PCDHA2: variants seen among roughly 807,000 people sequenced by gnomAD.
PCDHA2 encodes the protein protocadherin alpha-2.
A neutral mutation model predicts 66.0 loss-of-function variants in PCDHA2; 58 were observed. That is an observed-to-expected ratio of 0.88 (90% CI 0.71 to 1.09). The LOEUF (loss-of-function observed/expected upper bound fraction) is 1.09, where lower values mean the gene tolerates loss of function less well. PCDHA2 is among the 50% of genes least tolerant of loss of function. The probability of loss-of-function intolerance (pLI) is 0.00; values close to 1 mark genes in which losing one functional copy is unlikely to be tolerated. For missense variants in PCDHA2, 1,267 were observed against 1,242.3 expected, an observed-to-expected ratio of 1.02 and a Z score of -0.30; for synonymous variants, 634 against 554.0, an observed-to-expected ratio of 1.14 and a Z score of -2.03.
At chr5:140,850,446 G>C in intron 1 of PCDHA2, 1 of 1,598,030 alleles carries the variant, frequency 6.3e-7, no homozygotes, top group South Asian at 1.1e-5. Context: ...ACTGGTGCTG[G>C]TGAAAGACCA....
Position 140,803,954 on chromosome 5 carries a change from A to G in PCDHA2, c.2388+6602A>G, listed in dbSNP as rs538740639. 1.2e-4 allele frequency: 42 copies of G among 347,696 alleles called. 1 individual carries two copies. In the South Asian group the frequency reaches 1.9e-3, roughly 15 times the overall value. The allele number at this position is 347,696 out of a possible 1,614,324, so 21.5% of individuals were successfully genotyped here. On this transcript the variant is annotated intron_variant, in intron 1 of 3. Transcript: ENST00000526136. ...TATCCCTATACAATGCTTCTTCAAT[A>G]TCTTTTGCCACTTTTCATTTGGACT...
At chr5:141,009,120 T>C (rs1383940737) in intron 3 of PCDHA2, among the ~76,000 whole-genome samples, 1 of 152,236 alleles carries the variant, frequency 6.6e-6, no homozygotes, top group African/African-American at 2.4e-5. Flanking sequence ...ACTAGATTCT[T>C]GGTATCCTGG....
intron 1 of PCDHA2, among the ~76,000 whole-genome samples, chr5:140,897,618 T>C: frequency 6.6e-6 from 1 of 152,172 alleles, no homozygotes; most frequent in Non-Finnish European, 1.5e-5. Flanking sequence ...TTCCAAGTCT[T>C]TACTATTGTG....
chr5:140,867,133 A>T (rs1554160961), intron 1 of PCDHA2: 1 of 152,166 alleles, frequency 6.6e-6, no homozygotes, highest in African/African-American at 2.4e-5. Flanking sequence ...CAAATATGTG[A>T]TATTATCATT....
chr5:140,932,125 A>G (rs1272736604), intron 1 of PCDHA2, among the ~76,000 whole-genome samples: 1 of 151,932 alleles, frequency 6.6e-6, no homozygotes, highest in African/African-American at 2.4e-5. Context: ...ATAATATTTA[A>G]GATATAAACA....
intron 3 of PCDHA2, among the ~76,000 whole-genome samples, chr5:140,999,046 T>C (rs2097844534): frequency 6.6e-6 from 1 of 152,228 alleles, no homozygotes; most frequent in South Asian, 2.1e-4. Flanking sequence ...CAGTGTGCTT[T>C]CCACCATGCC....
intron 1 of PCDHA2, chr5:140,857,365 C>G (rs251362): frequency 0.53 from 847,286 of 1,597,488 alleles, 260,121 homozygotes; most frequent in South Asian, 0.6. Flanking sequence ...CCACGGCCAG[C>G]GTGTCTGTGG....
At chr5:140,927,051 G>C (rs1554203978) in intron 1 of PCDHA2, 1 of 1,611,998 alleles carries the variant, frequency 6.2e-7, no homozygotes, top group Non-Finnish European at 8.5e-7. Flanking sequence ...TGTCCTCGCG[G>C]AACTTTCGCT....
In PCDHA2 at chr5:140,883,821, A is replaced by T; in HGVS notation, c.2388+86469A>T. ...GTGCACGCGGAGAGCGGCAAGGTGT[A>T]CGCGCTGCAGCCGTTGGACCACGAG... On this transcript the variant is annotated intron_variant, in intron 1 of 3. Transcript: ENST00000526136. 6.2e-7 allele frequency: 1 copy of T among 1,612,450 alleles called. No individual in the cohort carries two copies. The highest frequency in any genetic ancestry group is 8.5e-7 in the Non-Finnish European group (1 of 1,179,756).
chr5:140,893,205 T>A (rs192969362), intron 1 of PCDHA2, among the ~76,000 whole-genome samples: 1 of 152,338 alleles, frequency 6.6e-6, no homozygotes, highest in East Asian at 1.9e-4. Context: ...CTGCAGTAAG[T>A]ATGGGAGGTG....
chr5:140,833,217 A>G (rs1276816516), intron 1 of PCDHA2, among the ~76,000 whole-genome samples: 2 of 152,208 alleles, frequency 1.3e-5, no homozygotes, highest in Non-Finnish European at 1.5e-5. Context: ...AGGAATGGAC[A>G]GGTTACACAA....
chr5:140,830,136 C>T (rs2150181675), intron 1 of PCDHA2: 3 of 1,613,258 alleles, frequency 1.9e-6, no homozygotes, highest in Non-Finnish European at 8.5e-7. Flanking sequence ...TCATCACGGG[C>T]GTCGGTGGGC....
intron 1 of PCDHA2, among the ~76,000 whole-genome samples, chr5:140,924,900 AAAAAATAAAAT>A (rs2082119593): frequency 1.6e-5 from 1 of 63,328 alleles, no homozygotes; most frequent in African/African-American, 5.4e-5. Context: ...GTCTCAAAAA[AAAAAATAAAAT>A]AAAATAAAAT....
intron 1 of PCDHA2, among the ~76,000 whole-genome samples, chr5:140,935,798 G>T (rs1302798386): frequency 6.6e-6 from 1 of 151,552 alleles, no homozygotes; most frequent in Non-Finnish European, 1.5e-5. Context: ...ATATAAACGA[G>T]ATTATTTCAT....
rs975637071 is a variant in PCDHA2 at position 141,011,970 on chromosome 5, C to A, written c.*2033C>A. On this transcript the variant is annotated 3_prime_UTR_variant, in exon 4 of 4. Transcript: ENST00000526136. ...AGCATTAAATTTAAAAAAAAACTGTCTTGTCTACTTTTAGCTTCATTCTCC... is the reference window on the plus strand; with the variant it reads ...AGCATTAAATTTAAAAAAAAACTGTATTGTCTACTTTTAGCTTCATTCTCC... 6.5e-6 allele frequency: 1 copy of A among 153,576 alleles called. No individual in the cohort carries two copies. The highest frequency in any genetic ancestry group is 6.6e-5 in the Admixed American group (1 of 15,252). The allele number at this position is 153,576 out of a possible 1,614,324, so 9.5% of individuals were successfully genotyped here. A position where few individuals can be genotyped will look rare whatever the true frequency, so the allele number is the denominator to read the frequency against.
chr5:140,807,807 A>C lies in PCDHA2; in HGVS notation c.2388+10455A>C, dbSNP rs1262793743. 1.9e-6 allele frequency: 3 copies of C among 1,614,166 alleles called. No individual in the cohort carries two copies. The East Asian group carries it at 6.7e-5, about 36-fold the overall frequency. ...TCTTTAGACAGAGAAGAAGCTCCGGAGATTTTTTTAGTGCTCACAGCCACT... is the reference window on the plus strand; with the variant it reads ...TCTTTAGACAGAGAAGAAGCTCCGGCGATTTTTTTAGTGCTCACAGCCACT... On this transcript the variant is annotated intron_variant, in intron 1 of 3. Coordinates refer to ENST00000526136, the MANE Select transcript of PCDHA2 (RefSeq NM_018905.3).
chr5:140,796,468 C>G lies in PCDHA2; in HGVS notation c.1504C>G (p.Arg502Gly), dbSNP rs551711072. ...GCTGGTGGAGCGGCGGGTGGGCGAGCGCGCGTTGTCGAGCTACGTTTCGGT... is the reference window on the plus strand; with the variant it reads ...GCTGGTGGAGCGGCGGGTGGGCGAGGGCGCGTTGTCGAGCTACGTTTCGGT... ...YSLVERRVGERALSSYVSVHA... is the reference protein window; with the variant it reads ...YSLVERRVGEGALSSYVSVHA... The change falls in exon 1 of 4, where the codon CGC becomes GGC. Residue 502 changes from arginine to glycine, a missense_variant. Coordinates refer to ENST00000526136, the MANE Select transcript of PCDHA2 (RefSeq NM_018905.3). 3 of 1,612,160 alleles carry G rather than the reference C, an allele frequency of 1.9e-6. No homozygotes were observed. In the South Asian group the frequency reaches 3.3e-5, roughly 18 times the overall value.
At chr5:140,920,501 A>G (rs1404369467) in intron 1 of PCDHA2, among the ~76,000 whole-genome samples, 1 of 152,194 alleles carries the variant, frequency 6.6e-6, no homozygotes, top group Non-Finnish European at 1.5e-5. Context: ...AGAGTTCTAC[A>G]TACTGTTTTA....
intron 1 of PCDHA2, chr5:140,809,446 G>A (rs782146620): frequency 1.2e-6 from 2 of 1,614,258 alleles, no homozygotes; most frequent in Admixed American, 3.3e-5. Context: ...ACTCGCAGCA[G>A]AGGAGGCCGA....
Sources: gnomAD v4.1 joint callset for allele counts (sites outside exome capture counted in the v4.1 genomes callset) on GRCh38, gnomAD v4.1.1 for gene constraint, MANE v1.5 for transcripts, NCBI Gene and HGNC (gene_info 2026-07-23, HGNC 2026-07-21) for gene names.